The following GPC6 variants were observed in gnomAD, a reference collection of about 807,000 sequenced individuals.
The protein encoded by GPC6 is glypican 6, also known as glypican-6.
Under a neutral mutation model 55.2 loss-of-function variants are expected in GPC6, and 14 were observed. The observed-to-expected ratio is 0.25, with a 90% CI of 0.17 to 0.40. GPC6 has a LOEUF of 0.40. GPC6 is among the 10% of genes least tolerant of loss of function. The pLI, the probability that GPC6 is intolerant of heterozygous loss-of-function variation, is 1.00. For synonymous variants in GPC6, 278 were observed against 259.6 expected (o/e 1.07, Z -0.68); for missense variants, 641 against 708.5 (o/e 0.90, Z 1.08).
intron 2 of GPC6, among the ~76,000 whole-genome samples, chr13:93,619,059 C>G (rs1295005898): frequency 6.6e-6 from 1 of 152,104 alleles, no homozygotes; most frequent in East Asian, 1.9e-4. Flanking sequence ...CTAAAGATCT[C>G]TAAACATAGT....
intron 1 of GPC6, among the ~76,000 whole-genome samples, chr13:93,368,680 ACTT>A (rs1257195311): frequency 2.0e-5 from 3 of 151,982 alleles, no homozygotes; most frequent in Non-Finnish European, 4.4e-5. Flanking sequence ...CTGGTAGTAT[ACTT>A]CTTAATTCTG....
chr13:93,285,675 G>A (rs2139073307), intron 1 of GPC6, among the ~76,000 whole-genome samples: 1 of 116,572 alleles, frequency 8.6e-6, no homozygotes, highest in East Asian at 2.9e-4. Context: ...TGTGTTTGGT[G>A]GCAGTCAAAC....
At chr13:93,837,816 G>A in intron 3 of GPC6, among the ~76,000 whole-genome samples, 1 of 152,150 alleles carries the variant, frequency 6.6e-6, no homozygotes, top group East Asian at 1.9e-4. Flanking sequence ...AGGTTGCATA[G>A]GTGTTGGGCA....
intron 2 of GPC6, among the ~76,000 whole-genome samples, chr13:93,553,969 T>A (rs1875309249): frequency 2.0e-5 from 1 of 49,072 alleles, no homozygotes. Context: ...ACTCCGTCTC[T>A]ACTAAAAAAA....
chr13:93,560,200 GTATTTTAAAAAAGGAAAAAAA>G (rs1875700273), intron 2 of GPC6, among the ~76,000 whole-genome samples: 1 of 152,022 alleles, frequency 6.6e-6, no homozygotes, highest in African/African-American at 2.4e-5. Flanking sequence ...GTTGAGGAAA[GTATTTTAAAAAAGGAAAAAAA>G]TAATGGATTT....
At chr13:93,488,097 C>T (rs1450319132) in intron 1 of GPC6, among the ~76,000 whole-genome samples, 1 of 152,132 alleles carries the variant, frequency 6.6e-6, no homozygotes, top group Non-Finnish European at 1.5e-5. Flanking sequence ...TTAGGTATAT[C>T]GCCTAATGCT....
At chr13:93,481,934 G>A (rs762964019) in intron 1 of GPC6, among the ~76,000 whole-genome samples, 1 of 152,034 alleles carries the variant, frequency 6.6e-6, no homozygotes, top group Non-Finnish European at 1.5e-5. Context: ...TAATGAGCTT[G>A]TCAATTTTTT....
intron 6 of GPC6, among the ~76,000 whole-genome samples, chr13:94,356,939 A>C (rs1465459097): frequency 6.6e-6 from 1 of 152,282 alleles, no homozygotes; most frequent in African/African-American, 2.4e-5. Flanking sequence ...ATGCATTTAA[A>C]ATGGAAAATG....
chr13:93,719,194 A>G (rs1272210600), intron 2 of GPC6, among the ~76,000 whole-genome samples: 1 of 151,674 alleles, frequency 6.6e-6, no homozygotes, highest in Non-Finnish European at 1.5e-5. Flanking sequence ...ATTTTTCACG[A>G]TTGATTCTTC....
At chr13:94,401,800 C>A (rs552662815) in intron 8 of GPC6, among the ~76,000 whole-genome samples, 1 of 152,090 alleles carries the variant, frequency 6.6e-6, no homozygotes, top group Non-Finnish European at 1.5e-5. Context: ...GGTACAGAGG[C>A]ACATGCCTAT....
chr13:93,975,890 T>A (rs1002733437), intron 3 of GPC6, among the ~76,000 whole-genome samples: 17 of 152,196 alleles, frequency 1.1e-4, no homozygotes, highest in African/African-American at 4.1e-4. Flanking sequence ...TGCAATTTTT[T>A]AAATTAGTAT....
intron 2 of GPC6, among the ~76,000 whole-genome samples, chr13:93,675,126 G>A (rs775817624): frequency 3.3e-5 from 5 of 152,074 alleles, no homozygotes; most frequent in Non-Finnish European, 7.4e-5. Context: ...CTTTGAACAA[G>A]TGCAGTGTAC....
At chr13:93,953,110 C>T (rs1355760459) in intron 3 of GPC6, among the ~76,000 whole-genome samples, 2 of 151,734 alleles carry the variant, frequency 1.3e-5, no homozygotes, top group African/African-American at 4.8e-5. Context: ...ATTTTGTTGC[C>T]TTCACTCTGT....
intron 2 of GPC6, among the ~76,000 whole-genome samples, chr13:93,600,743 A>G (rs1191392371): frequency 6.6e-6 from 1 of 151,606 alleles, no homozygotes; most frequent in Non-Finnish European, 1.5e-5. Flanking sequence ...CGAGGTCAGG[A>G]GTTCGAGCAC....
chr13:94,270,587 A>G (rs1308122353), intron 4 of GPC6, among the ~76,000 whole-genome samples: 3 of 151,588 alleles, frequency 2.0e-5, no homozygotes, highest in Admixed American at 1.3e-4. Context: ...GATGATTTTT[A>G]TTCTCCTCCT....
chr13:93,935,753 A>T (rs964477226), intron 3 of GPC6, among the ~76,000 whole-genome samples: 4 of 152,216 alleles, frequency 2.6e-5, no homozygotes, highest in Non-Finnish European at 5.9e-5. Flanking sequence ...CAACATATAT[A>T]AGAAGAATTA....
intron 1 of GPC6, among the ~76,000 whole-genome samples, chr13:93,412,011 A>AT (rs968259887): frequency 4.0e-5 from 6 of 151,868 alleles, no homozygotes; most frequent in African/African-American, 1.5e-4. Flanking sequence ...TCAAAAAAAA[A>AT]AAATAAATAA....
At chr13:94,159,336 G>C (rs1888073581) in intron 4 of GPC6, among the ~76,000 whole-genome samples, 1 of 152,092 alleles carries the variant, frequency 6.6e-6, no homozygotes, top group Admixed American at 6.6e-5. Flanking sequence ...TCTAAGACTG[G>C]GTAATTTATA....
chr13:93,561,559 T>C (rs1416761723), intron 2 of GPC6, among the ~76,000 whole-genome samples: 2 of 151,788 alleles, frequency 1.3e-5, no homozygotes, highest in East Asian at 3.9e-4. Flanking sequence ...CAGTGCCAAA[T>C]ATACAAGAGC....
Sources: allele counts gnomAD v4.1 joint callset (sites outside exome capture counted in the v4.1 genomes callset), GRCh38; gene constraint gnomAD v4.1.1; transcripts MANE v1.5; gene names NCBI Gene and HGNC (gene_info 2026-07-23, HGNC 2026-07-21).